GTPBP10: variants seen among roughly 807,000 people sequenced by gnomAD.
GTPBP10 encodes the protein GTP binding protein 10, also known as GTP-binding protein 10.
GTPBP10 carries 38 observed loss-of-function variants against 44.8 expected under a neutral mutation model. That is an observed-to-expected ratio of 0.85 (90% CI 0.65 to 1.11). The LOEUF (loss-of-function observed/expected upper bound fraction) is 1.11. Among genes scored for constraint, GTPBP10 ranks in the 50% most tolerant of loss-of-function variants. The pLI is 0.00. For missense variants in GTPBP10, 462 were observed against 453.7 expected, an observed-to-expected ratio of 1.02 and a Z score of -0.17; for synonymous variants, 152 against 150.6, an observed-to-expected ratio of 1.01 and a Z score of -0.07.
chr7:90,356,265 A>C (rs1034553091), intron 4 of GTPBP10, among the ~76,000 whole-genome samples: 1 of 152,174 alleles, frequency 6.6e-6, no homozygotes, highest in Non-Finnish European at 1.5e-5. Context: ...TAAAATTATA[A>C]CAAGGAAAGA....
chr7:90,378,161 T>A lies in GTPBP10; in HGVS notation c.727T>A (p.Ser243Thr). 6.2e-7 allele frequency: 1 copy of A among 1,613,262 alleles called. No homozygotes were observed. Among genetic ancestry groups the A allele is most frequent in the Non-Finnish European group, 8.5e-7 (1 of 1,179,604 alleles). ...TGATATTTCTGGATTTCAGCTTTCT[T>A]CTCACACTCAATACAGGACAGCTTT... The part of the protein sequence containing the change: ...VVDISGFQLS[S>T]HTQYRTAFET... Residue 243 changes from serine to threonine, a missense_variant, in exon 8 of 10, where the codon TCT (serine) becomes ACT (threonine). Coordinates refer to ENST00000222511, the MANE Select transcript of GTPBP10 (RefSeq NM_033107.4).
At chr7:90,350,062 C>A (rs779844835) in intron 1 of GTPBP10, among the ~76,000 whole-genome samples, 16 of 152,098 alleles carry the variant, frequency 1.1e-4, no homozygotes, top group Non-Finnish European at 2.2e-4. Flanking sequence ...CTAATGTTAT[C>A]TCTCACCCAG....
At chr7:90,350,106 GTT>G (rs1375153370) in intron 1 of GTPBP10, among the ~76,000 whole-genome samples, 2 of 152,120 alleles carry the variant, frequency 1.3e-5, no homozygotes, top group East Asian at 3.9e-4. Flanking sequence ...AGTGTGTGAT[GTT>G]CCCCCCGTGT....
Position 90,377,546 on chromosome 7 carries a change from C to G in GTPBP10, c.631C>G (p.His211Asp). 1 of 1,610,988 alleles carries G rather than the reference C, an allele frequency of 6.2e-7. No homozygotes were observed. The highest frequency in any genetic ancestry group is 8.5e-7 in the Non-Finnish European group (1 of 1,178,354). The change falls in exon 7 of 10, where the codon CAT (histidine) becomes GAT (aspartate). Residue 211 changes from histidine to aspartate, a missense_variant. Physicochemically the swap from His to Asp is moderately conservative, Grantham distance 81. Transcript: ENST00000222511. ...TCTTCCGGGTTTAATAGAAGGAGCA[C>G]ATATGAACAAAGGAATGGGCCACAA... ...ADLPGLIEGA[H>D]MNKGMGHKFL...
intron 4 of GTPBP10, among the ~76,000 whole-genome samples, chr7:90,368,387 G>A (rs187982304): frequency 9.6e-4 from 146 of 152,246 alleles, no homozygotes; most frequent in African/African-American, 3.4e-3. Context: ...TTCTAACTTG[G>A]ATCCATTCTC....
chr7:90,348,091 G>T (rs1490225278), intron 1 of GTPBP10, among the ~76,000 whole-genome samples: 1 of 152,120 alleles, frequency 6.6e-6, no homozygotes. Flanking sequence ...GGTGCCTGTA[G>T]TCCCAGCCAT....
Position 90,374,332 on chromosome 7 carries a change from T to C in GTPBP10, c.569T>C (p.Ile190Thr). Residue 190 changes from isoleucine to threonine, a missense_variant, in exon 6 of 10, where the codon ATA becomes ACA. Ile to Thr is a moderately conservative substitution (Grantham distance 89, BLOSUM62 -1). Coordinates refer to ENST00000222511, the MANE Select transcript of GTPBP10 (RefSeq NM_033107.4). Reference sequence around the variant, plus strand: ...ACATTAAAGCCTGAACTTGGAAAGATAATGTACAGTGATTTCAAACAGGTA... The same window carrying C: ...ACATTAAAGCCTGAACTTGGAAAGACAATGTACAGTGATTTCAAACAGGTA... ...FTTLKPELGK[I>T]MYSDFKQISV... The C allele has an allele frequency of 6.3e-7, 1 of 1,595,252 alleles. No individual in the cohort carries two copies. Among genetic ancestry groups the C allele is most frequent in the Non-Finnish European group, 8.6e-7 (1 of 1,163,618 alleles).
chr7:90,359,591 A>G (rs956739733), intron 4 of GTPBP10, among the ~76,000 whole-genome samples: 1 of 152,150 alleles, frequency 6.6e-6, no homozygotes, highest in Non-Finnish European at 1.5e-5. Context: ...GAATAGTGCC[A>G]CAATAAACAT....
intron 5 of GTPBP10, 81 bp downstream of exon 5, chr7:90,372,309 G>C: frequency 1.0e-6 from 1 of 1,003,030 alleles, no homozygotes; most frequent in Non-Finnish European, 1.5e-6. Context: ...TGAATAAAAT[G>C]ATAACTCGGA....
chr7:90,380,343 G>A (rs1796415199), intron 8 of GTPBP10, among the ~76,000 whole-genome samples: 1 of 152,088 alleles, frequency 6.6e-6, no homozygotes, highest in African/African-American at 2.4e-5. Context: ...TTCCCAGAGT[G>A]CTGGGATTAC....
At chr7:90,353,674 G>A (rs1795839255) in intron 2 of GTPBP10, among the ~76,000 whole-genome samples, 1 of 152,022 alleles carries the variant, frequency 6.6e-6, no homozygotes, top group Non-Finnish European at 1.5e-5. Context: ...ATTCCCAGAA[G>A]TAGAATTACT....
chr7:90,376,477 A>ATGT (rs1426343307), intron 6 of GTPBP10, among the ~76,000 whole-genome samples: 1 of 152,176 alleles, frequency 6.6e-6, no homozygotes, highest in African/African-American at 2.4e-5. Flanking sequence ...GATGATGACA[A>ATGT]GGTGACAAGG....
chr7:90,360,505 G>C (rs913199502), intron 4 of GTPBP10, among the ~76,000 whole-genome samples: 2 of 152,146 alleles, frequency 1.3e-5, no homozygotes, highest in African/African-American at 4.8e-5. Flanking sequence ...CTATATCTCT[G>C]TTTTGGTACC....
rs1020092052 is a variant in GTPBP10 at position 90,353,223 on chromosome 7, T to A, written c.227+214T>A. 3.5e-5 allele frequency: 14 copies of A among 401,242 alleles called. 1 individual carries two copies. In the East Asian group the frequency reaches 5.4e-4, roughly 16 times the overall value. The allele number at this position is 401,242 out of a possible 1,614,324, so 24.9% of individuals were successfully genotyped here. A position where few individuals can be genotyped will look rare whatever the true frequency, so the allele number is the denominator to read the frequency against. ...ACTTTCTGTCCGTTTCTTTTCCCAA[T>A]GTCTATCTGTATTCTTTTTGCACTT... On this transcript the variant is annotated intron_variant, in intron 2 of 9. Coordinates refer to ENST00000222511, the MANE Select transcript of GTPBP10 (RefSeq NM_033107.4).
chr7:90,349,478 G>A (rs186299669), intron 1 of GTPBP10, among the ~76,000 whole-genome samples: 213 of 152,260 alleles, frequency 1.4e-3, no homozygotes, highest in African/African-American at 4.4e-3. Context: ...CTCGTATTGG[G>A]AAGGTACTTC....
intron 4 of GTPBP10, among the ~76,000 whole-genome samples, chr7:90,358,140 A>G (rs1433066531): frequency 6.6e-6 from 1 of 152,186 alleles, no homozygotes; most frequent in Non-Finnish European, 1.5e-5. Flanking sequence ...TACACCAACA[A>G]CAACCAAGCT....
chr7:90,366,669 TTTC>T (rs1335189964), intron 4 of GTPBP10, among the ~76,000 whole-genome samples: 1 of 152,034 alleles, frequency 6.6e-6, no homozygotes, highest in Non-Finnish European at 1.5e-5. Flanking sequence ...TCTTCCCTCA[TTTC>T]TTCTTTATTG....
chr7:90,365,300 G>A (rs1037308046), intron 4 of GTPBP10, among the ~76,000 whole-genome samples: 1 of 149,862 alleles, frequency 6.7e-6, no homozygotes, highest in Admixed American at 6.7e-5. Flanking sequence ...CATTGATTTT[G>A]TGTCCTGAGA....
At chr7:90,381,819 G>C (rs1220554352) in intron 8 of GTPBP10, among the ~76,000 whole-genome samples, 2 of 152,158 alleles carry the variant, frequency 1.3e-5, no homozygotes, top group African/African-American at 2.4e-5. Context: ...GGAAAGGACA[G>C]TTTTCTTCGT....
Sources: allele counts gnomAD v4.1 joint callset (sites outside exome capture counted in the v4.1 genomes callset), GRCh38; gene constraint gnomAD v4.1.1; transcripts MANE v1.5; gene names NCBI Gene and HGNC (gene_info 2026-07-23, HGNC 2026-07-21).